PDE10A: variants seen among roughly 807,000 people sequenced by gnomAD.
PDE10A encodes phosphodiesterase 10A, also known as cAMP and cAMP-inhibited cGMP 3',5'-cyclic phosphodiesterase 10A.
Under a neutral mutation model 97.7 loss-of-function variants are expected in PDE10A, and 39 were observed. That is an observed-to-expected ratio of 0.40 (90% CI 0.31 to 0.52). The LOEUF (loss-of-function observed/expected upper bound fraction) is 0.52, where lower values mean the gene tolerates loss of function less well. Ranked by LOEUF, PDE10A falls within the 20% of genes least tolerant of loss-of-function variation. The probability of loss-of-function intolerance (pLI) is 0.56; values close to 1 mark genes in which losing one functional copy is unlikely to be tolerated. For missense variants in PDE10A, 731 were observed against 1,047.8 expected (o/e 0.70, Z 4.17); for synonymous variants, 371 against 376.8 (o/e 0.98, Z 0.18).
chr6:165,629,174 G>A (rs1223012678), intron 1 of PDE10A, among the ~76,000 whole-genome samples: 3 of 152,172 alleles, frequency 2.0e-5, no homozygotes, highest in Admixed American at 6.5e-5. Flanking sequence ...CGTGTGTGAG[G>A]AGAAAATCCC....
chr6:165,726,055 C>T (rs1003195878), intron 1 of PDE10A, among the ~76,000 whole-genome samples: 7 of 152,300 alleles, frequency 4.6e-5, no homozygotes, highest in African/African-American at 1.2e-4. Flanking sequence ...GCTCTACTTC[C>T]ACTTGATTTA....
chr6:165,336,051 G>T, intron 21 of PDE10A, 72 bp downstream of exon 21: 1 of 1,125,522 alleles, frequency 8.9e-7, no homozygotes, highest in South Asian at 1.3e-5. Context: ...ACACTAGTGG[G>T]GTACAAAAAT....
intron 1 of PDE10A, among the ~76,000 whole-genome samples, chr6:165,709,326 G>A (rs1420296066): frequency 1.1e-4 from 5 of 44,498 alleles, no homozygotes; most frequent in Non-Finnish European, 1.3e-4. Flanking sequence ...CCACTCCACC[G>A]CTATGCTGTG....
At chr6:165,952,776 G>A (rs1470012422) in intron 1 of PDE10A, among the ~76,000 whole-genome samples, 2 of 151,850 alleles carry the variant, frequency 1.3e-5, no homozygotes, top group African/African-American at 2.4e-5. Flanking sequence ...GGGCCTAGTC[G>A]TCCTTCACAC....
chr6:165,627,873 G>A (rs980487092), intron 1 of PDE10A, among the ~76,000 whole-genome samples: 13 of 152,168 alleles, frequency 8.5e-5, no homozygotes, highest in East Asian at 1.9e-4. Flanking sequence ...CTGAGAAGCC[G>A]CATTACCTAT....
intron 1 of PDE10A, among the ~76,000 whole-genome samples, chr6:165,953,831 C>T (rs539587156): frequency 6.6e-6 from 1 of 152,244 alleles, no homozygotes; most frequent in Admixed American, 6.5e-5. Flanking sequence ...ATGTACTTTA[C>T]CAAGTACATA....
In PDE10A at chr6:165,947,939, G is replaced by C. The variant is rs147704928; in HGVS notation, c.-615+39590C>G. Among the ~76,000 whole-genome samples, 202 of 152,170 alleles carry C rather than the reference G, an allele frequency of 1.3e-3. 1 individual carries two copies. Among genetic ancestry groups the C allele is most frequent in the African/African-American group, 4.7e-3 (195 of 41,510 alleles). The stretch of plus-strand genomic sequence containing the variant: ...ATGTCCTATCAAACAGACTGGAATG[G>C]CATAAGATTCTGCTTTATTTTCAGA... On this transcript the variant is annotated intron_variant, in intron 1 of 19. Coordinates refer to the PDE10A transcript ENST00000366882.
At chr6:165,790,989 T>G (rs1221301003) in intron 1 of PDE10A, among the ~76,000 whole-genome samples, 2 of 152,040 alleles carry the variant, frequency 1.3e-5, no homozygotes, top group Non-Finnish European at 2.9e-5. Flanking sequence ...TGCCCACTGA[T>G]CAGTAACTCC....
At chr6:165,460,672 T>C (rs1778270155) in intron 3 of PDE10A, among the ~76,000 whole-genome samples, 1 of 152,116 alleles carries the variant, frequency 6.6e-6, no homozygotes, top group Non-Finnish European at 1.5e-5. Context: ...GTAGCTATAT[T>C]TTGCATAGTG....
intron 1 of PDE10A, among the ~76,000 whole-genome samples, chr6:165,849,252 CT>C (rs1243187465): frequency 6.6e-6 from 1 of 152,078 alleles, no homozygotes; most frequent in African/African-American, 2.4e-5. Flanking sequence ...ACATTCGGAA[CT>C]AGTAAAACAA....
intron 1 of PDE10A, among the ~76,000 whole-genome samples, chr6:165,586,590 C>T (rs73022152): frequency 0.17 from 25,571 of 152,014 alleles, 2,316 homozygotes; most frequent in African/African-American, 0.23. Flanking sequence ...TAATAATATC[C>T]ACAAGGGCCA....
At chr6:165,611,233 A>C (rs1787479042) in intron 1 of PDE10A, among the ~76,000 whole-genome samples, 4 of 152,188 alleles carry the variant, frequency 2.6e-5, no homozygotes, top group African/African-American at 9.6e-5. Flanking sequence ...AAGGAAATAC[A>C]TAATTGTTGT....
chr6:165,842,897 G>A (rs1025017569), intron 1 of PDE10A, among the ~76,000 whole-genome samples: 14 of 152,208 alleles, frequency 9.2e-5, no homozygotes, highest in East Asian at 3.9e-4. Flanking sequence ...GACTAACCTC[G>A]CACAGTTTAT....
rs1033842017 is a variant in PDE10A at position 165,327,622 on chromosome 6, C to T, written c.*5403G>A. 8 of 152,174 alleles carry T rather than the reference C, an allele frequency of 5.3e-5. No homozygotes were observed. The highest frequency in any genetic ancestry group is 1.7e-4 in the African/African-American group (7 of 41,444). The allele number at this position is 152,174 out of a possible 1,614,324, so 9.4% of individuals were successfully genotyped here. A position where few individuals can be genotyped will look rare whatever the true frequency, so the allele number is the denominator to read the frequency against. On this transcript the variant is annotated 3_prime_UTR_variant, in exon 22 of 22. Transcript: ENST00000539869. ...AATGAATACATGAAAAAATTACACA[C>T]ATGTACAATATTTATAATTTATAAA...
rs1267201938 is a variant in PDE10A at position 165,835,638 on chromosome 6, T to C, written c.-615+151891A>G. ...GGCTTTGCAGTTGGGGCAGTTTCCTTACACCCTGTTTCCGGGGTTGGTGTG... is the reference window on the plus strand; with the variant it reads ...GGCTTTGCAGTTGGGGCAGTTTCCTCACACCCTGTTTCCGGGGTTGGTGTG... On this transcript the variant is annotated intron_variant, in intron 1 of 19. Coordinates refer to the PDE10A transcript ENST00000366882. Among the ~76,000 whole-genome samples the C allele has an allele frequency of 2.0e-5, 3 of 152,246 alleles. No individual in the cohort carries two copies. The East Asian group carries it at 5.8e-4, about 30-fold the overall frequency.
intron 1 of PDE10A, among the ~76,000 whole-genome samples, chr6:165,835,694 C>G (rs1308304168): frequency 6.6e-6 from 1 of 152,108 alleles, no homozygotes; most frequent in African/African-American, 2.4e-5. Flanking sequence ...GAGACCGGAG[C>G]TCCCGCCAAT....
intron 2 of PDE10A, among the ~76,000 whole-genome samples, chr6:165,498,639 G>A (rs1254944227): frequency 6.6e-6 from 1 of 151,762 alleles, no homozygotes; most frequent in Non-Finnish European, 1.5e-5. Flanking sequence ...GATCTTAACT[G>A]GAAAGTGTTA....
chr6:165,456,752 T>C (rs1478397369), intron 3 of PDE10A, among the ~76,000 whole-genome samples: 3 of 152,230 alleles, frequency 2.0e-5, no homozygotes, highest in Non-Finnish European at 4.4e-5. Flanking sequence ...TTCTTGTTTA[T>C]ATTAAGCTTC....
At chr6:165,348,242 G>C (rs1034228448) in intron 18 of PDE10A, among the ~76,000 whole-genome samples, 2 of 152,156 alleles carry the variant, frequency 1.3e-5, no homozygotes, top group African/African-American at 4.8e-5. Flanking sequence ...GTTTACGAAA[G>C]GCAGTTCTTG....
Sources: gnomAD v4.1 joint callset for allele counts (sites outside exome capture counted in the v4.1 genomes callset) on GRCh38, gnomAD v4.1.1 for gene constraint, MANE v1.5 for transcripts, NCBI Gene and HGNC (gene_info 2026-07-23, HGNC 2026-07-21) for gene names.